Variants in RANBP2 observed in about 807,000 individuals in gnomAD.
RANBP2 encodes the protein RAN binding protein 2, also known as E3 SUMO-protein ligase RanBP2.
RANBP2 carries 57 observed loss-of-function variants against 303.6 expected under a neutral mutation model. The observed-to-expected ratio is 0.19, with a 90% CI of 0.15 to 0.23. The LOEUF (loss-of-function observed/expected upper bound fraction) is 0.23. Ranked by LOEUF, RANBP2 falls within the 10% of genes least tolerant of loss-of-function variation. The pLI is 1.00. For synonymous variants in RANBP2, 1,167 were observed against 1,301.5 expected, an observed-to-expected ratio of 0.90 and a Z score of 2.23; for missense variants, 3,138 against 3,780.8, an observed-to-expected ratio of 0.83 and a Z score of 4.46.
chr2:108,787,796 A>G (rs954038878), downstream of RANBP2, among the ~76,000 whole-genome samples: 2 of 151,624 alleles, frequency 1.3e-5, no homozygotes, highest in Admixed American at 1.3e-4. Context: ...CGTTAGATTG[A>G]TTATGCATTT....
intron 6 of RANBP2, among the ~76,000 whole-genome samples, chr2:108,738,145 G>A (rs1322719315): frequency 6.6e-6 from 1 of 151,382 alleles, no homozygotes; most frequent in Admixed American, 6.6e-5. Flanking sequence ...GCGCCATCTC[G>A]GCTCACTGCA....
At chr2:109,453,549 G>C in the RANBP2 span, among the ~76,000 whole-genome samples, 2 of 152,128 alleles carry the variant, frequency 1.3e-5, no homozygotes, top group African/African-American at 4.8e-5. Flanking sequence ...AATGGGCTGC[G>C]TGCAGTTGGC....
chr2:109,644,405 G>A, the RANBP2 span, among the ~76,000 whole-genome samples: 1 of 152,152 alleles, frequency 6.6e-6, no homozygotes, highest in Non-Finnish European at 1.5e-5. Context: ...ACTCTGTCTA[G>A]GCAGCTGGCG....
intron 11 of RANBP2, 76 bp from the exon 12 acceptor site, chr2:108,751,795 C>T (rs531860544): frequency 7.4e-6 from 12 of 1,611,810 alleles, no homozygotes; most frequent in African/African-American, 2.7e-5. Context: ...TGTCATGTGA[C>T]CCATTAACAT....
At chr2:109,451,347 C>T in the RANBP2 span, among the ~76,000 whole-genome samples, 1 of 152,124 alleles carries the variant, frequency 6.6e-6, no homozygotes, top group African/African-American at 2.4e-5. Flanking sequence ...ACAGTCCTAC[C>T]CTCTCACTTA....
At chr2:109,107,223 C>G in the RANBP2 span, among the ~76,000 whole-genome samples, 1 of 138,226 alleles carries the variant, frequency 7.2e-6, no homozygotes, top group Non-Finnish European at 1.5e-5. Context: ...CCGCACCCAG[C>G]CTTTTTTTTT....
chr2:109,336,243 G>C, the RANBP2 span, among the ~76,000 whole-genome samples: 1 of 152,346 alleles, frequency 6.6e-6, no homozygotes, highest in African/African-American at 2.4e-5. Flanking sequence ...GGGAAGAGGT[G>C]TCATGCTGGG....
chr2:109,296,870 T>C, the RANBP2 span, among the ~76,000 whole-genome samples: 1 of 152,208 alleles, frequency 6.6e-6, no homozygotes, highest in Non-Finnish European at 1.5e-5. Flanking sequence ...AGCACTGCTA[T>C]AGCATTGCCA....
chr2:109,676,678 C>T, the RANBP2 span, among the ~76,000 whole-genome samples: 2 of 152,186 alleles, frequency 1.3e-5, no homozygotes, highest in Non-Finnish European at 2.9e-5. Flanking sequence ...AGGAGGCAAG[C>T]CAGATACTAT....
At chr2:109,583,960 G>T in the RANBP2 span, among the ~76,000 whole-genome samples, 1 of 152,112 alleles carries the variant, frequency 6.6e-6, no homozygotes, top group Non-Finnish European at 1.5e-5. Context: ...TGGATATAAA[G>T]ATGGCAACAA....
chr2:109,455,629 T>C, the RANBP2 span, among the ~76,000 whole-genome samples: 1 of 152,342 alleles, frequency 6.6e-6, no homozygotes, highest in East Asian at 1.9e-4. Context: ...TGAAGCTCTT[T>C]TGAGTGGCCA....
At chr2:109,613,298 C>T in the RANBP2 span, 1 of 670,414 alleles carries the variant, frequency 1.5e-6, no homozygotes, top group East Asian at 6.8e-5. Flanking sequence ...GGGAAAAAAA[C>T]GGTTTAAAAT....
At chr2:109,686,402 C>T in the RANBP2 span, among the ~76,000 whole-genome samples, 7 of 152,078 alleles carry the variant, frequency 4.6e-5, no homozygotes, top group East Asian at 7.7e-4. Context: ...GCAACCTCTG[C>T]CTCCCGGGTT....
At chr2:108,803,186 C>T in the RANBP2 span, among the ~76,000 whole-genome samples, 1 of 152,202 alleles carries the variant, frequency 6.6e-6, no homozygotes, top group East Asian at 1.9e-4. Flanking sequence ...AAACTGAGCT[C>T]CATTCTCCAA....
chr2:109,706,923 C>T, the RANBP2 span, among the ~76,000 whole-genome samples: 1 of 152,120 alleles, frequency 6.6e-6, no homozygotes, highest in Non-Finnish European at 1.5e-5. Context: ...AGTTTCAGTT[C>T]CACCGAGGGA....
the RANBP2 span, among the ~76,000 whole-genome samples, chr2:109,766,818 T>C: frequency 6.7e-6 from 1 of 150,250 alleles, no homozygotes; most frequent in Non-Finnish European, 1.5e-5. Context: ...TTTTTGGGAA[T>C]AAAGCCTTGG....
the RANBP2 span, among the ~76,000 whole-genome samples, chr2:109,563,950 G>A: frequency 6.6e-6 from 1 of 152,164 alleles, no homozygotes; most frequent in East Asian, 1.9e-4. Flanking sequence ...GTAAGACCCT[G>A]TCTCTACAAA....
At chr2:108,772,390 G>C in intron 21 of RANBP2, 99 bp from the exon 22 acceptor site, 5 of 891,118 alleles carry the variant, frequency 5.6e-6, no homozygotes, top group Non-Finnish European at 9.2e-6. Flanking sequence ...CTGCAATTCA[G>C]ATGTGGAGAG....
chr2:109,151,739 C>T, the RANBP2 span, among the ~76,000 whole-genome samples: 4 of 152,224 alleles, frequency 2.6e-5, no homozygotes, highest in Admixed American at 6.5e-5. Flanking sequence ...TCAGCTCTGA[C>T]GGATCAGACC....
Sources: gnomAD v4.1 joint callset for allele counts (sites outside exome capture counted in the v4.1 genomes callset) on GRCh38, gnomAD v4.1.1 for gene constraint, MANE v1.5 for transcripts, NCBI Gene and HGNC (gene_info 2026-07-23, HGNC 2026-07-21) for gene names.